GRID2: variants seen among roughly 807,000 people sequenced by gnomAD.
The protein encoded by GRID2 is glutamate ionotropic receptor delta type subunit 2.
A neutral mutation model predicts 114.8 loss-of-function variants in GRID2; 33 were observed. The ratio of observed to expected loss-of-function variants is 0.29; its 90% CI spans 0.22 to 0.38. GRID2 has a LOEUF of 0.38. Ranked by LOEUF, GRID2 falls within the 10% of genes least tolerant of loss-of-function variation. The pLI is 1.00. For synonymous variants in GRID2, 505 were observed against 449.9 expected (o/e 1.12, Z -1.55); for missense variants, 1,184 against 1,257.7 (o/e 0.94, Z 0.89).
chr4:92,362,804 A>G (rs1728679494), intron 1 of GRID2, among the ~76,000 whole-genome samples: 1 of 152,052 alleles, frequency 6.6e-6, no homozygotes, highest in Admixed American at 6.6e-5. Flanking sequence ...TGAAGTGAGG[A>G]GTCAGATTCG....
At chr4:92,466,213 A>G (rs1024108776) in intron 1 of GRID2, among the ~76,000 whole-genome samples, 1 of 151,840 alleles carries the variant, frequency 6.6e-6, no homozygotes, top group Non-Finnish European at 1.5e-5. Flanking sequence ...AACATTTATA[A>G]TTTACTTGTG....
chr4:92,922,885 G>A (rs183391699), intron 2 of GRID2, among the ~76,000 whole-genome samples: 1 of 152,280 alleles, frequency 6.6e-6, no homozygotes, highest in East Asian at 1.9e-4. Flanking sequence ...GGGCTTACTT[G>A]GGGGAAGAAT....
chr4:92,674,578 A>G (rs1733242055), intron 2 of GRID2, among the ~76,000 whole-genome samples: 1 of 152,138 alleles, frequency 6.6e-6, no homozygotes, highest in Admixed American at 6.5e-5. Context: ...GCTGGAGTAC[A>G]GTGGCACGAT....
intron 2 of GRID2, among the ~76,000 whole-genome samples, chr4:92,621,048 A>AT (rs1730251316): frequency 6.6e-6 from 1 of 151,134 alleles, no homozygotes; most frequent in South Asian, 2.1e-4. Flanking sequence ...CAGAGCTGAG[A>AT]TTTTTTTCTG....
At chr4:93,626,199 A>C in intron 13 of GRID2, 70 bp from the exon 14 acceptor site, 4 of 755,786 alleles carry the variant, frequency 5.3e-6, no homozygotes, top group Non-Finnish European at 9.0e-6. Flanking sequence ...AATGTTTTTC[A>C]TCCTGTCTAT....
chr4:92,722,559 A>T (rs533442401), intron 2 of GRID2, among the ~76,000 whole-genome samples: 1 of 152,254 alleles, frequency 6.6e-6, no homozygotes, highest in East Asian at 1.9e-4. Flanking sequence ...GAGAAAAAGA[A>T]GATATTAACT....
At chr4:92,500,816 G>C (rs1055958546) in intron 1 of GRID2, among the ~76,000 whole-genome samples, 1 of 152,070 alleles carries the variant, frequency 6.6e-6, no homozygotes, top group South Asian at 2.1e-4. Context: ...AAGCTCTTCC[G>C]GGGCCATAAA....
intron 13 of GRID2, among the ~76,000 whole-genome samples, chr4:93,611,573 C>T (rs1740920251): frequency 7.1e-6 from 1 of 141,108 alleles, no homozygotes; most frequent in African/African-American, 2.9e-5. Context: ...TCATTATGTA[C>T]CCAGTAGTCA....
At chr4:93,104,904 A>G (rs1404048557) in intron 3 of GRID2, among the ~76,000 whole-genome samples, 12 of 151,908 alleles carry the variant, frequency 7.9e-5, no homozygotes, top group Non-Finnish European at 1.6e-4. Flanking sequence ...CAATGGTTGA[A>G]CTAGTTTACA....
rs144251678 is a variant in GRID2, at chr4:93,309,541, A to AAATAATAAT, written c.1245+71066_1245+71074dup. ...TGACAGAGCAAGACCTTGTCTCAAA[A>AAATAATAAT]AATAATAATAATAATAATAATAAAT... On this transcript the variant is annotated intron_variant, in intron 8 of 15. Coordinates refer to ENST00000282020, the MANE Select transcript of GRID2 (RefSeq NM_001510.4). Among the ~76,000 whole-genome samples, 862 of 151,270 alleles carry AAATAATAAT rather than the reference A, an allele frequency of 5.7e-3. 13 individuals carry two copies. Among genetic ancestry groups the AAATAATAAT allele is most frequent in the African/African-American group, 0.019 (803 of 41,204 alleles).
At chr4:93,387,829 CAAAAA>C (rs11453782) in intron 8 of GRID2, among the ~76,000 whole-genome samples, 5 of 99,098 alleles carry the variant, frequency 5.0e-5, no homozygotes, top group African/African-American at 9.7e-5. Flanking sequence ...GACTCTGTCT[CAAAAA>C]AAAAAAAAAA....
At chr4:93,142,767 G>C (rs1271535325) in intron 4 of GRID2, among the ~76,000 whole-genome samples, 2 of 152,180 alleles carry the variant, frequency 1.3e-5, no homozygotes, top group Non-Finnish European at 2.9e-5. Flanking sequence ...TCTAAACAAC[G>C]ACTGTGGTTG....
rs1348253488 is a variant in GRID2, at chr4:93,609,055, A to G, written c.2194-17214A>G. Among the ~76,000 whole-genome samples the G allele has an allele frequency of 6.0e-5, 6 of 100,630 alleles. No individual in the cohort carries two copies. In the East Asian group the frequency reaches 1.4e-3, roughly 23 times the overall value. The allele number at this position is 100,630 out of a possible 152,430, so 66.0% of individuals were successfully genotyped here. A position where few individuals can be genotyped will look rare whatever the true frequency, so the allele number is the denominator to read the frequency against. ...AGTGGTTTTGATTTGCATTTCTCTG[A>G]TGGCCAGTGATGATGAGCATTTTTT... On this transcript the variant is annotated intron_variant, in intron 13 of 15. Coordinates refer to ENST00000282020, the MANE Select transcript of GRID2 (RefSeq NM_001510.4).
intron 2 of GRID2, among the ~76,000 whole-genome samples, chr4:92,987,742 AT>A (rs1754597815): frequency 1.5e-5 from 2 of 134,256 alleles, no homozygotes; most frequent in South Asian, 4.8e-4. Context: ...AGAGATTGTC[AT>A]TTTTTTCAGA....
intron 14 of GRID2, among the ~76,000 whole-genome samples, chr4:93,723,685 G>C (rs561320030): frequency 1.6e-4 from 24 of 152,256 alleles, no homozygotes; most frequent in African/African-American, 5.8e-4. Flanking sequence ...TATAATTTGA[G>C]TAAATTCAGT....
At chr4:92,743,486 C>T (rs1736998019) in intron 2 of GRID2, among the ~76,000 whole-genome samples, 1 of 152,152 alleles carries the variant, frequency 6.6e-6, no homozygotes, top group East Asian at 1.9e-4. Context: ...ACAGCCAATG[C>T]TATGTAAGTA....
intron 1 of GRID2, among the ~76,000 whole-genome samples, chr4:93,793,933 C>G (rs1734746687): frequency 6.6e-6 from 1 of 152,036 alleles, no homozygotes; most frequent in Non-Finnish European, 1.5e-5. Flanking sequence ...AAGAATCTTC[C>G]CTCTTTTCAG....
intron 11 of GRID2, among the ~76,000 whole-genome samples, chr4:93,487,137 A>T (rs1318171223): frequency 6.6e-6 from 1 of 151,788 alleles, no homozygotes; most frequent in African/African-American, 2.4e-5. Context: ...TATCTGTAAC[A>T]TCTGTAACAA....
chr4:93,421,062 C>G (rs915825560), intron 9 of GRID2, among the ~76,000 whole-genome samples: 3 of 152,110 alleles, frequency 2.0e-5, no homozygotes, highest in African/African-American at 7.2e-5. Flanking sequence ...AGAGCCTTGG[C>G]GAGTTGGCCC....
Sources: allele counts gnomAD v4.1 joint callset (sites outside exome capture counted in the v4.1 genomes callset), GRCh38; gene constraint gnomAD v4.1.1; transcripts MANE v1.5; gene names NCBI Gene and HGNC (gene_info 2026-07-23, HGNC 2026-07-21).